Variants in PDE1A observed in about 807,000 individuals in gnomAD.
PDE1A encodes the protein dual specificity calcium/calmodulin-dependent 3',5'-cyclic nucleotide phosphodiesterase 1A.
PDE1A carries 35 observed loss-of-function variants against 61.7 expected under a neutral mutation model. The ratio of observed to expected loss-of-function variants is 0.57; its 90% CI spans 0.43 to 0.75. The LOEUF is 0.75. Ranked by LOEUF, PDE1A falls within the 30% of genes least tolerant of loss-of-function variation. The pLI is 0.00. For synonymous variants in PDE1A, 232 were observed against 213.2 expected (o/e 1.09, Z -0.77); for missense variants, 597 against 630.6 (o/e 0.95, Z 0.57).
At chr2:182,217,989 A>G in intron 7 of PDE1A, among the ~76,000 whole-genome samples, 1 of 150,678 alleles carries the variant, frequency 6.6e-6, no homozygotes, top group East Asian at 1.9e-4. Flanking sequence ...TTGCGGCACT[A>G]TTCACAATAG....
chr2:182,614,553 CTT>C, the PDE1A span, among the ~76,000 whole-genome samples: 1,147 of 112,526 alleles, frequency 0.01, 6 homozygotes, highest in African/African-American at 0.023. Flanking sequence ...ACTAGCATAT[CTT>C]TTTTTTTTTT....
At chr2:182,577,314 C>A in the PDE1A span, among the ~76,000 whole-genome samples, 2 of 152,100 alleles carry the variant, frequency 1.3e-5, no homozygotes, top group Non-Finnish European at 2.9e-5. Flanking sequence ...ATATTGTTAC[C>A]AAATTAAGAA....
chr2:182,468,573 C>T (rs1686820935), intron 2 of PDE1A, among the ~76,000 whole-genome samples: 1 of 151,956 alleles, frequency 6.6e-6, no homozygotes, highest in Non-Finnish European at 1.5e-5. Context: ...GTGCTGGAGT[C>T]AACTTCTGAA....
chr2:182,563,487 A>G, the PDE1A span, among the ~76,000 whole-genome samples: 4 of 152,088 alleles, frequency 2.6e-5, no homozygotes, highest in Admixed American at 6.5e-5. Flanking sequence ...TATGTGGTCA[A>G]TTTTGGAATA....
At chr2:182,316,422 A>C (rs1323015890) in intron 1 of PDE1A, among the ~76,000 whole-genome samples, 2 of 152,202 alleles carry the variant, frequency 1.3e-5, no homozygotes, top group East Asian at 3.8e-4. Context: ...TGAGATTCAA[A>C]GGAAATAAGT....
At chr2:182,520,988 C>T (rs1398100141) in intron 2 of PDE1A, among the ~76,000 whole-genome samples, 1 of 152,030 alleles carries the variant, frequency 6.6e-6, no homozygotes, top group Admixed American at 6.6e-5. Context: ...AGATTTCTAG[C>T]TCATCCAAAT....
intron 1 of PDE1A, 125 bp downstream of exon 1, chr2:182,426,453 G>T: frequency 1.5e-6 from 1 of 676,670 alleles, no homozygotes; most frequent in Non-Finnish European, 2.6e-6. Flanking sequence ...TATGCCTGAA[G>T]TTAAACTTTA....
chr2:182,614,887 T>C, the PDE1A span, among the ~76,000 whole-genome samples: 10 of 152,192 alleles, frequency 6.6e-5, no homozygotes, highest in African/African-American at 2.4e-4. Context: ...GAGGAGATGC[T>C]CACAATTCTT....
intron 1 of PDE1A, among the ~76,000 whole-genome samples, chr2:182,327,533 G>C (rs1697123842): frequency 6.6e-6 from 1 of 152,160 alleles, no homozygotes; most frequent in Admixed American, 6.5e-5. Context: ...CATTGAGATG[G>C]AGTGGCCAAT....
chr2:182,180,876 TCA>T (rs760906162), intron 13 of PDE1A, among the ~76,000 whole-genome samples: 3 of 151,904 alleles, frequency 2.0e-5, no homozygotes, highest in Non-Finnish European at 2.9e-5. Flanking sequence ...CTTGATTTAT[TCA>T]GCTATTGATA....
the PDE1A span, among the ~76,000 whole-genome samples, chr2:182,529,134 G>A: frequency 3.1e-3 from 467 of 152,334 alleles, 2 homozygotes; most frequent in African/African-American, 0.01. Context: ...CACCGTGCAC[G>A]TGGATAGGTA....
At chr2:182,693,856 A>T in the PDE1A span, among the ~76,000 whole-genome samples, 1 of 152,160 alleles carries the variant, frequency 6.6e-6, no homozygotes, top group Non-Finnish European at 1.5e-5. Context: ...CATGTTGGCC[A>T]GGCTGGTCTC....
At chr2:182,570,668 A>AT in the PDE1A span, among the ~76,000 whole-genome samples, 1 of 152,170 alleles carries the variant, frequency 6.6e-6, no homozygotes, top group Non-Finnish European at 1.5e-5. Context: ...CAATATGATC[A>AT]TTTTCTTATT....
At chr2:182,248,252 CAA>C (rs1197993496) in intron 2 of PDE1A, among the ~76,000 whole-genome samples, 15 of 77,978 alleles carry the variant, frequency 1.9e-4, no homozygotes, top group East Asian at 6.8e-4. Context: ...GCAAGACTGT[CAA>C]AAAAAAAAAA....
intron 13 of PDE1A, among the ~76,000 whole-genome samples, chr2:182,156,364 T>A (rs917152974): frequency 6.6e-6 from 1 of 152,080 alleles, no homozygotes; most frequent in Non-Finnish European, 1.5e-5. Context: ...TTTTTTTTTT[T>A]ACCCAAGGTC....
At chr2:182,228,100 A>G (rs1194386255) in intron 6 of PDE1A, among the ~76,000 whole-genome samples, 3 of 152,156 alleles carry the variant, frequency 2.0e-5, no homozygotes, top group Non-Finnish European at 4.4e-5. Context: ...TTTATAAAAC[A>G]TTTGCTCCTT....
intron 1 of PDE1A, among the ~76,000 whole-genome samples, chr2:182,340,134 T>C (rs1018869055): frequency 1.3e-5 from 2 of 152,196 alleles, no homozygotes; most frequent in African/African-American, 4.8e-5. Context: ...ATGCAGTTTG[T>C]AGATTTATAA....
At chr2:182,596,374 A>G in the PDE1A span, among the ~76,000 whole-genome samples, 25 of 152,290 alleles carry the variant, frequency 1.6e-4, no homozygotes, top group African/African-American at 6.0e-4. Flanking sequence ...CTTCTGAGGC[A>G]CACATGAGAC....
chr2:182,276,871 T>G (rs1039554811), intron 1 of PDE1A, among the ~76,000 whole-genome samples: 8 of 151,970 alleles, frequency 5.3e-5, no homozygotes, highest in Non-Finnish European at 1.0e-4. Flanking sequence ...CTTATGTGGT[T>G]GAGATAAGGA....
Sources: gnomAD v4.1 joint callset for allele counts (sites outside exome capture counted in the v4.1 genomes callset) on GRCh38, gnomAD v4.1.1 for gene constraint, MANE v1.5 for transcripts, NCBI Gene and HGNC (gene_info 2026-07-23, HGNC 2026-07-21) for gene names.